Variants in EIF2AK4 observed in about 807,000 individuals in gnomAD.
The protein encoded by EIF2AK4 is eIF-2-alpha kinase GCN2.
EIF2AK4 carries 139 observed loss-of-function variants against 211.1 expected under a neutral mutation model. That is an observed-to-expected ratio of 0.66 (90% CI 0.57 to 0.76). The LOEUF (loss-of-function observed/expected upper bound fraction) is 0.76, where lower values mean the gene tolerates loss of function less well. Among genes scored for constraint, EIF2AK4 ranks in the 30% least tolerant of loss-of-function variants. The pLI, the probability that EIF2AK4 is intolerant of heterozygous loss-of-function variation, is 0.00. For synonymous variants in EIF2AK4, 710 were observed against 751.3 expected, an observed-to-expected ratio of 0.94 and a Z score of 0.90; for missense variants, 1,664 against 2,043.8, an observed-to-expected ratio of 0.81 and a Z score of 3.58.
chr15:39,986,877 C>A (rs201197815), intron 14 of EIF2AK4, among the ~76,000 whole-genome samples: 41 of 151,664 alleles, frequency 2.7e-4, no homozygotes, highest in African/African-American at 8.7e-4. Context: ...ACAACAACAA[C>A]AACAAAAACA....
chr15:40,034,174 A>C (rs1032752650), intron 37 of EIF2AK4, 152 bp from the exon 38 acceptor site: 1 of 591,556 alleles, frequency 1.7e-6, no homozygotes, highest in Non-Finnish European at 3.0e-6. Context: ...GAACCCCAGC[A>C]GTCTCCTAAC....
At chr15:40,018,979 TGAAC>T in intron 29 of EIF2AK4, 110 bp from the exon 30 acceptor site, 1 of 756,398 alleles carries the variant, frequency 1.3e-6, no homozygotes, top group Non-Finnish European at 2.2e-6. Context: ...TTCTTTTTGT[TGAAC>T]TCTTTGATGA....
intron 9 of EIF2AK4, 89 bp downstream of exon 9, chr15:39,967,968 A>AG: frequency 2.2e-6 from 3 of 1,348,766 alleles, no homozygotes; most frequent in Non-Finnish European, 3.0e-6. Context: ...GTGATGTGGA[A>AG]GCTGAGAAGT....
rs956302940 is a variant in EIF2AK4, at chr15:40,032,743, G to T, written c.4729-14G>T. 7.4e-6 allele frequency: 12 copies of T among 1,612,446 alleles called. No homozygotes were observed. Among genetic ancestry groups the T allele is most frequent in the East Asian group, 2.2e-5 (1 of 44,872 alleles). On this transcript the variant is annotated splice_polypyrimidine_tract_variant and intron_variant, in intron 36 of 38. Coordinates refer to ENST00000263791, the MANE Select transcript of EIF2AK4 (RefSeq NM_001013703.4). Reference sequence around the variant, plus strand: ...TGCTGCTGAGAGTTGATGTACATTTGTGTGTATTCACAGGTGGATCTACCC... The same window carrying T: ...TGCTGCTGAGAGTTGATGTACATTTTTGTGTATTCACAGGTGGATCTACCC...
rs114449011 is a variant in EIF2AK4 at position 40,010,461 on chromosome 15, T to C, written c.3693+731T>C. Among the ~76,000 whole-genome samples, 688 of 152,322 alleles carry C rather than the reference T, an allele frequency of 4.5e-3. 5 individuals are homozygous for C. The highest frequency in any genetic ancestry group is 0.017 in the Admixed American group (254 of 15,302). ...ATAGTATTCATTACTTTATAGTATA[T>C]GTGCGGGTACAGAGACTGGAAGGGG... On this transcript the variant is annotated intron_variant, in intron 26 of 38. Coordinates refer to ENST00000263791, the MANE Select transcript of EIF2AK4 (RefSeq NM_001013703.4).
chr15:40,022,982 C>A (rs1296100300), intron 32 of EIF2AK4, among the ~76,000 whole-genome samples: 1 of 152,182 alleles, frequency 6.6e-6, no homozygotes, highest in Admixed American at 6.5e-5. Context: ...CCGCCTCGGC[C>A]TCCCAAAGTG....
chr15:40,032,244 G>A lies in EIF2AK4; in HGVS notation c.4728+7G>A, dbSNP rs773058843. On this transcript the variant is annotated splice_region_variant and intron_variant, in intron 36 of 38. Transcript: ENST00000263791. ...TGAAATTGAAATTCTGGCTGTAAGT[G>A]GCTTTCTTTAGTATTTTGAAGGTGG... 1.2e-6 allele frequency: 2 copies of A among 1,613,872 alleles called. No homozygotes were observed. Among genetic ancestry groups the A allele is most frequent in the South Asian group, 1.1e-5 (1 of 91,076 alleles).
At chr15:40,014,396 C>T (rs534765537) in intron 27 of EIF2AK4, among the ~76,000 whole-genome samples, 3 of 152,348 alleles carry the variant, frequency 2.0e-5, no homozygotes, top group African/African-American at 7.2e-5. Flanking sequence ...GGCGGAGGTT[C>T]CCAAACCTCA....
intron 14 of EIF2AK4, among the ~76,000 whole-genome samples, 164 bp downstream of exon 14, chr15:39,986,052 C>G (rs1403703853): frequency 6.6e-6 from 1 of 152,160 alleles, no homozygotes; most frequent in Non-Finnish European, 1.5e-5. Context: ...TTTCCCCAGC[C>G]TTGAACTCAT....
In EIF2AK4 at chr15:39,947,214, A is replaced by G. The variant is rs569856919; in HGVS notation, c.361-1902A>G. Among the ~76,000 whole-genome samples the G allele has an allele frequency of 2.6e-5, 4 of 152,344 alleles. No individual in the cohort carries two copies. The East Asian group carries it at 7.7e-4, about 29-fold the overall frequency. Reference sequence around the variant, plus strand: ...TGGAGTACTGGAAAGTCTAAAATAGACATAATTCTAAAGAAATTTTTTTAT... The same window carrying G: ...TGGAGTACTGGAAAGTCTAAAATAGGCATAATTCTAAAGAAATTTTTTTAT... On this transcript the variant is annotated intron_variant, in intron 3 of 38. Coordinates refer to ENST00000263791, the MANE Select transcript of EIF2AK4 (RefSeq NM_001013703.4).
At chr15:40,009,284 T>C (rs1479829603) in intron 25 of EIF2AK4, among the ~76,000 whole-genome samples, 1 of 151,880 alleles carries the variant, frequency 6.6e-6, no homozygotes, top group East Asian at 1.9e-4. Flanking sequence ...AGATGGGGTT[T>C]CCCTATGTTC....
chr15:39,937,365 GT>G (rs1314918542), intron 1 of EIF2AK4, among the ~76,000 whole-genome samples: 1 of 151,884 alleles, frequency 6.6e-6, no homozygotes, highest in Non-Finnish European at 1.5e-5. Context: ...GAACACCTTT[GT>G]TTACAAACCA....
chr15:40,016,382 G>A (rs997919192), intron 27 of EIF2AK4, 120 bp from the exon 28 acceptor site: 2 of 1,243,688 alleles, frequency 1.6e-6, no homozygotes, highest in Non-Finnish European at 2.3e-6. Flanking sequence ...AATAATCTTT[G>A]ACCACAAAGA....
chr15:39,991,968 C>A (rs1416113261), intron 16 of EIF2AK4: 1 of 466,530 alleles, frequency 2.1e-6, no homozygotes, highest in East Asian at 3.2e-5. Context: ...CAGTGATTGC[C>A]CCCCTCCCTC....
chr15:40,012,684 CTT>C (rs2035250117), intron 27 of EIF2AK4, among the ~76,000 whole-genome samples: 1 of 150,872 alleles, frequency 6.6e-6, no homozygotes, highest in East Asian at 1.9e-4. Context: ...TTAAGAAAGT[CTT>C]ATAAATATAC....
At chr15:39,992,089 C>T (rs1411721498) in intron 16 of EIF2AK4, 86 bp from the exon 17 acceptor site, 27 of 1,198,610 alleles carry the variant, frequency 2.3e-5, no homozygotes, top group Non-Finnish European at 2.8e-5. Context: ...GTAATATTTC[C>T]TCAGTCTTCA....
At chr15:40,031,836 C>T (rs2035548129) in intron 35 of EIF2AK4, among the ~76,000 whole-genome samples, 1 of 152,086 alleles carries the variant, frequency 6.6e-6, no homozygotes. Context: ...AGCGATTCTC[C>T]TGCCTCAGCC....
intron 5 of EIF2AK4, 39 bp from the exon 6 acceptor site, chr15:39,955,581 G>T (rs547346603): frequency 1.9e-6 from 3 of 1,573,312 alleles, no homozygotes; most frequent in African/African-American, 2.8e-5. Flanking sequence ...TTCCATGTAT[G>T]ACTTACATCT....
intron 3 of EIF2AK4, among the ~76,000 whole-genome samples, chr15:39,944,143 A>G (rs1013305502): frequency 7.2e-5 from 11 of 152,122 alleles, no homozygotes; most frequent in Admixed American, 6.5e-4. Flanking sequence ...TTCTTTCTCA[A>G]TAATTAGTGA....
Sources: allele counts gnomAD v4.1 joint callset (sites outside exome capture counted in the v4.1 genomes callset), GRCh38; gene constraint gnomAD v4.1.1; transcripts MANE v1.5; gene names NCBI Gene and HGNC (gene_info 2026-07-23, HGNC 2026-07-21).